LRRC4C: variants seen among roughly 807,000 people sequenced by gnomAD.
LRRC4C encodes the protein leucine rich repeat containing 4C, also known as leucine-rich repeat-containing protein 4C.
A neutral mutation model predicts 33.6 loss-of-function variants in LRRC4C; 5 were observed. The observed-to-expected ratio is 0.15, with a 90% CI of 0.08 to 0.31. The LOEUF (loss-of-function observed/expected upper bound fraction) is 0.31, where lower values mean the gene tolerates loss of function less well. Among genes scored for constraint, LRRC4C ranks in the 10% least tolerant of loss-of-function variants. LRRC4C has a pLI of 1.00. For synonymous variants in LRRC4C, 329 were observed against 302.0 expected (o/e 1.09, Z -0.93); for missense variants, 560 against 796.7 (o/e 0.70, Z 3.58).
rs138480356 is a variant in LRRC4C, at chr11:40,404,860, G to GAT, written c.-269-85141_-269-85140dup. ...TGTATATTTAAGGTATACAATATAT[G>GAT]ATATATATATAATAAAATGTTACTA... On this transcript the variant is annotated intron_variant, in intron 3 of 6. Coordinates refer to ENST00000528697, the MANE Select transcript of LRRC4C (RefSeq NM_001258419.2). Among the ~76,000 whole-genome samples, 113 of 151,448 alleles carry GAT rather than the reference G, an allele frequency of 7.5e-4. 1 individual carries two copies. Among genetic ancestry groups the GAT allele is most frequent in the Non-Finnish European group, 1.3e-3 (90 of 67,864 alleles).
chr11:40,687,996 T>A (rs1039775523), intron 2 of LRRC4C, among the ~76,000 whole-genome samples: 2 of 152,090 alleles, frequency 1.3e-5, no homozygotes, highest in Non-Finnish European at 2.9e-5. Context: ...GACTTTTTTT[T>A]TTTCCTGAGG....
chr11:41,254,347 G>A (rs925658300), intron 1 of LRRC4C, among the ~76,000 whole-genome samples: 2 of 151,980 alleles, frequency 1.3e-5, no homozygotes, highest in Non-Finnish European at 2.9e-5. Flanking sequence ...TCAGTACTGA[G>A]TTTGACATAT....
At chr11:40,841,710 A>C (rs1255874396) in intron 2 of LRRC4C, among the ~76,000 whole-genome samples, 1 of 152,196 alleles carries the variant, frequency 6.6e-6, no homozygotes, top group African/African-American at 2.4e-5. Context: ...TGACAGCCCT[A>C]ATAGAATAAT....
intron 1 of LRRC4C, among the ~76,000 whole-genome samples, chr11:40,969,610 A>G (rs1186573217): frequency 6.6e-6 from 1 of 152,206 alleles, no homozygotes; most frequent in East Asian, 1.9e-4. Context: ...TCAATGCAAG[A>G]GTTCCAACCA....
At chr11:41,457,805 T>G (rs778488773) in intron 1 of LRRC4C, among the ~76,000 whole-genome samples, 56 of 152,096 alleles carry the variant, frequency 3.7e-4, no homozygotes, top group Admixed American at 2.2e-3. Context: ...GGTACAAGGT[T>G]GCTCCAGGGG....
At chr11:40,400,606 A>G (rs1400259287) in intron 3 of LRRC4C, among the ~76,000 whole-genome samples, 1 of 152,010 alleles carries the variant, frequency 6.6e-6, no homozygotes, top group Non-Finnish European at 1.5e-5. Flanking sequence ...CTCCATCTCC[A>G]TTTCTTGCCA....
chr11:41,070,356 G>A (rs1002763476), intron 1 of LRRC4C, among the ~76,000 whole-genome samples: 7 of 152,096 alleles, frequency 4.6e-5, no homozygotes, highest in African/African-American at 1.7e-4. Context: ...CATAGGCATA[G>A]GCAAAGATTT....
intron 2 of LRRC4C, among the ~76,000 whole-genome samples, chr11:40,720,712 C>T (rs1386901275): frequency 3.9e-5 from 6 of 152,132 alleles, no homozygotes; most frequent in South Asian, 4.1e-4. Context: ...GAACAATATA[C>T]GATTAGACTC....
chr11:41,340,994 T>C (rs1951616828), intron 1 of LRRC4C, among the ~76,000 whole-genome samples: 1 of 152,088 alleles, frequency 6.6e-6, no homozygotes, highest in Admixed American at 6.6e-5. Flanking sequence ...CTGTTTTCAG[T>C]GGATGTCTTG....
intron 1 of LRRC4C, among the ~76,000 whole-genome samples, chr11:41,288,924 T>C (rs4287328): frequency 4.0e-5 from 3 of 74,276 alleles, no homozygotes; most frequent in African/African-American, 8.5e-5. Context: ...AACCTTTATT[T>C]TTTTTTTTTA....
At chr11:40,727,720 A>C (rs1947352835) in intron 2 of LRRC4C, among the ~76,000 whole-genome samples, 1 of 152,094 alleles carries the variant, frequency 6.6e-6, no homozygotes, top group Admixed American at 6.5e-5. Context: ...AAAAACATAT[A>C]ACCCTATTAC....
chr11:40,782,267 A>T (rs1950238955), intron 2 of LRRC4C, among the ~76,000 whole-genome samples: 1 of 152,144 alleles, frequency 6.6e-6, no homozygotes, highest in Non-Finnish European at 1.5e-5. Context: ...GTCTTAAGAC[A>T]GAATCAGTGG....
At chr11:40,609,754 T>C (rs1051649584) in intron 3 of LRRC4C, among the ~76,000 whole-genome samples, 1 of 151,774 alleles carries the variant, frequency 6.6e-6, no homozygotes, top group Non-Finnish European at 1.5e-5. Context: ...TTATAACAGT[T>C]TACTATGAAT....
chr11:41,085,582 CTG>C (rs1939910659), intron 1 of LRRC4C, among the ~76,000 whole-genome samples: 1 of 152,130 alleles, frequency 6.6e-6, no homozygotes, highest in South Asian at 2.1e-4. Context: ...GTGCTTACCT[CTG>C]TGTCTAATAC....
At chr11:40,512,165 T>C (rs1955350843) in intron 3 of LRRC4C, among the ~76,000 whole-genome samples, 1 of 152,132 alleles carries the variant, frequency 6.6e-6, no homozygotes, top group Non-Finnish European at 1.5e-5. Context: ...TGCATCTTAT[T>C]TTTCAGTTAT....
intron 4 of LRRC4C, among the ~76,000 whole-genome samples, chr11:40,297,347 C>T (rs902806575): frequency 1.3e-5 from 2 of 152,140 alleles, no homozygotes; most frequent in Non-Finnish European, 2.9e-5. Flanking sequence ...TCGTATCAAG[C>T]TTGCCTGTAT....
At chr11:40,295,801 C>T (rs911520347) in intron 4 of LRRC4C, among the ~76,000 whole-genome samples, 1 of 152,098 alleles carries the variant, frequency 6.6e-6, no homozygotes, top group South Asian at 2.1e-4. Flanking sequence ...AATGGCATTG[C>T]TTCTATTTTT....
chr11:40,353,266 T>A (rs1417385611), intron 3 of LRRC4C, among the ~76,000 whole-genome samples: 2 of 152,148 alleles, frequency 1.3e-5, no homozygotes, highest in Non-Finnish European at 2.9e-5. Context: ...TCATTCTTTT[T>A]TATTCTTTCT....
chr11:40,513,587 T>G (rs1955433460), intron 3 of LRRC4C, among the ~76,000 whole-genome samples: 2 of 152,104 alleles, frequency 1.3e-5, no homozygotes, highest in African/African-American at 4.8e-5. Flanking sequence ...ACTGAAAGCT[T>G]TCAAAATTAA....
Sources: allele counts gnomAD v4.1 joint callset (sites outside exome capture counted in the v4.1 genomes callset), GRCh38; gene constraint gnomAD v4.1.1; transcripts MANE v1.5; gene names NCBI Gene and HGNC (gene_info 2026-07-23, HGNC 2026-07-21).